PTK7: variants seen among roughly 807,000 people sequenced by gnomAD.
PTK7 encodes the protein inactive tyrosine-protein kinase 7.
A neutral mutation model predicts 116.6 loss-of-function variants in PTK7; 39 were observed. The ratio of observed to expected loss-of-function variants is 0.33; its 90% CI spans 0.26 to 0.44. The LOEUF (loss-of-function observed/expected upper bound fraction) is 0.44. Ranked by LOEUF, PTK7 falls within the 20% of genes least tolerant of loss-of-function variation. The pLI is 1.00. For synonymous variants in PTK7, 546 were observed against 563.6 expected (o/e 0.97, Z 0.44); for missense variants, 1,169 against 1,425.6 (o/e 0.82, Z 2.90).
Position 43,129,701 on chromosome 6 carries a change from C to G in PTK7, c.368-26C>G. ...CCCGCCTTTGCCCTGCTCTGCCCCT[C>G]ACTGCAACCGTGGCCTCTGCTACAG... is the stretch of plus-strand genomic sequence containing the variant. On this transcript the variant is annotated intron_variant, in intron 2 of 19. Coordinates refer to ENST00000230419, the MANE Select transcript of PTK7 (RefSeq NM_002821.5). The surrounding 1 kb of genome is among the most constrained non-coding windows in gnomAD (Gnocchi z 4.5). The G allele has an allele frequency of 1.9e-6, 3 of 1,605,944 alleles. No homozygotes were observed. Among genetic ancestry groups the G allele is most frequent in the Middle Eastern group, 3.3e-4 (2 of 6,040 alleles).
chr6:43,148,267 G>C (rs976066839), intron 17 of PTK7, among the ~76,000 whole-genome samples: 7 of 151,830 alleles, frequency 4.6e-5, no homozygotes, highest in Admixed American at 6.6e-5. Flanking sequence ...GGAGGGGAGG[G>C]GGGGAAAGGA....
intron 7 of PTK7, chr6:43,133,313 G>A (rs1051059123): frequency 1.6e-4 from 25 of 152,856 alleles, no homozygotes; most frequent in Non-Finnish European, 3.2e-4. Context: ...GGTGGCTCAT[G>A]CCTGTAATCC....
In PTK7 at chr6:43,146,277, G is replaced by T. The variant is rs1256451856; in HGVS notation, c.2641-341G>T. 1.5e-5 allele frequency: 3 copies of T among 197,580 alleles called. No individual in the cohort carries two copies. The East Asian group carries it at 3.5e-4, about 23-fold the overall frequency. 12.2% of individuals were successfully genotyped at this position (197,580 alleles called of 1,614,324 possible). A position where few individuals can be genotyped will look rare whatever the true frequency, so the allele number is the denominator to read the frequency against. On this transcript the variant is annotated intron_variant, in intron 16 of 19. Coordinates refer to ENST00000230419, the MANE Select transcript of PTK7 (RefSeq NM_002821.5). Reference sequence around the variant, plus strand: ...GATTGTAAAGCTCTGGAGGACAGGGGTTTCCTCTCAGGAATCTTTGAGGGC... The same window carrying T: ...GATTGTAAAGCTCTGGAGGACAGGGTTTTCCTCTCAGGAATCTTTGAGGGC...
intron 6 of PTK7, 65 bp downstream of exon 6, chr6:43,132,229 T>C (rs1769730701): frequency 6.5e-7 from 1 of 1,539,748 alleles, no homozygotes; most frequent in Non-Finnish European, 8.8e-7. Flanking sequence ...CACATAGAGA[T>C]TTAGGCTTCT....
intron 1 of PTK7, among the ~76,000 whole-genome samples, chr6:43,107,694 G>T (rs1429693495): frequency 6.6e-6 from 1 of 152,200 alleles, no homozygotes. Flanking sequence ...GTTGAATTAA[G>T]AATGATAATT....
chr6:43,149,400 A>G lies in PTK7; in HGVS notation c.2721+2702A>G, dbSNP rs556548109. Among the ~76,000 whole-genome samples the G allele has an allele frequency of 1.8e-4, 27 of 152,294 alleles. 1 individual carries two copies. Among genetic ancestry groups the G allele is most frequent in the African/African-American group, 6.5e-4 (27 of 41,556 alleles). On this transcript the variant is annotated intron_variant, in intron 17 of 19. Transcript: ENST00000230419. ...AAGAAAAAAAAAAGATTTCTGGACC[A>G]TGACTCAGAATGAGGGAATTAGAGT... is the stretch of plus-strand genomic sequence containing the variant.
intron 1 of PTK7, among the ~76,000 whole-genome samples, chr6:43,121,589 C>T (rs528443872): frequency 1.2e-3 from 185 of 152,268 alleles, no homozygotes; most frequent in African/African-American, 4.2e-3. Flanking sequence ...CTCACTGGGT[C>T]TTGGAGTCAG....
rs2150484921 is a variant in PTK7 at position 43,158,965 on chromosome 6, A to G, written c.2870A>G (p.Asn957Ser). Residue 957 changes from asparagine (N) to serine (S), a missense_variant, in exon 18 of 20, where the codon AAC becomes AGC. Asn to Ser is a conservative substitution (Grantham distance 46). Coordinates refer to ENST00000230419, the MANE Select transcript of PTK7 (RefSeq NM_002821.5). ...CTGGGCCTCAGCAAGGATGTGTACA[A>G]CAGGTAGAAGGGCATGCGTGGGGTG... ...SALGLSKDVY[N>S]SEYYHFRQAW... 6.2e-7 allele frequency: 1 copy of G among 1,614,062 alleles called. No homozygotes were observed. Among genetic ancestry groups the G allele is most frequent in the Non-Finnish European group, 8.5e-7 (1 of 1,179,976 alleles).
At position 43,159,735 on chromosome 6, in the gene PTK7, C is replaced by T. The variant is rs764020576; in HGVS notation, c.2874-53C>T. 4.4e-5 allele frequency: 70 copies of T among 1,576,892 alleles called. No homozygotes were observed. The East Asian group carries it at 1.1e-3, about 25-fold the overall frequency. ...TCCAGATGGGGAGATGAGGGTGCAG[C>T]GCCAGGCCACGCTCCCACCCCACCT... On this transcript the variant is annotated intron_variant, in intron 18 of 19. Transcript: ENST00000230419.
At chr6:43,154,920 C>A (rs3805930) in intron 17 of PTK7, among the ~76,000 whole-genome samples, 1 of 152,218 alleles carries the variant, frequency 6.6e-6, no homozygotes, top group African/African-American at 2.4e-5. Context: ...GAAGAGCCAG[C>A]CTTTGGCACT....
chr6:43,132,262 G>A lies in PTK7; in HGVS notation c.961+98G>A, dbSNP rs1314408706. 4.6e-6 allele frequency: 7 copies of A among 1,512,338 alleles called. No homozygotes were observed. In the Admixed American group the frequency reaches 1.3e-4, roughly 27 times the overall value. The allele number at this position is 1,512,338 out of a possible 1,614,324, so 93.7% of individuals were successfully genotyped here. A position where few individuals can be genotyped will look rare whatever the true frequency, so the allele number is the denominator to read the frequency against. The stretch of plus-strand genomic sequence containing the variant: ...TCTGTTTTTACTCAGCCGCTTGGAG[G>A]GCAGGGGAAGAAAAGGATGCTGGGA... On this transcript the variant is annotated intron_variant, in intron 6 of 19. Transcript: ENST00000230419.
At chr6:43,138,357 T>C (rs1353943004) in intron 7 of PTK7, among the ~76,000 whole-genome samples, 1 of 152,172 alleles carries the variant, frequency 6.6e-6, no homozygotes, top group African/African-American at 2.4e-5. Flanking sequence ...AGTTAATTAA[T>C]GTGACAGTTA....
At chr6:43,105,957 G>A (rs1393494999) in intron 1 of PTK7, among the ~76,000 whole-genome samples, 2 of 152,184 alleles carry the variant, frequency 1.3e-5, no homozygotes, top group East Asian at 3.8e-4. Context: ...GATAGAGCAG[G>A]TATGGCATTA....
rs757117722 is a variant in PTK7, at chr6:43,129,878, T to A, written c.470+49T>A. The A allele has an allele frequency of 6.4e-7, 1 of 1,558,762 alleles. No homozygotes were observed. Among genetic ancestry groups the A allele is most frequent in the East Asian group, 2.2e-5 (1 of 44,512 alleles). On this transcript the variant is annotated intron_variant, in intron 3 of 19. Transcript: ENST00000230419. The surrounding 1 kb of genome is among the most constrained non-coding windows in gnomAD (Gnocchi z 4.5). ...TGAAGAGGGTTATTCCGGACAGGGA[T>A]GTCTCCCCAAATCTTGGACTCTATG...
chr6:43,111,979 G>C (rs571828533), intron 1 of PTK7, among the ~76,000 whole-genome samples: 1 of 152,088 alleles, frequency 6.6e-6, no homozygotes, highest in East Asian at 1.9e-4. Context: ...ACTGCACCTG[G>C]CCTATTAGCA....
At chr6:43,126,785 A>C (rs74597937) in intron 1 of PTK7, among the ~76,000 whole-genome samples, 2 of 152,190 alleles carry the variant, frequency 1.3e-5, no homozygotes, top group Non-Finnish European at 2.9e-5. Flanking sequence ...ATCATTTGGA[A>C]ATGTGTAGGG....
At chr6:43,077,141 A>T (rs2150363274) in intron 1 of PTK7, among the ~76,000 whole-genome samples, 1 of 152,284 alleles carries the variant, frequency 6.6e-6, no homozygotes, top group South Asian at 2.1e-4. Context: ...GTGAGGGCGG[A>T]AGAAGGGAAG....
intron 1 of PTK7, among the ~76,000 whole-genome samples, chr6:43,111,287 C>T (rs1263681334): frequency 1.3e-5 from 2 of 152,166 alleles, no homozygotes; most frequent in African/African-American, 4.8e-5. Flanking sequence ...TGGAGTCCCA[C>T]GTACCTGTAT....
In PTK7 at chr6:43,129,369, G is replaced by T. The variant is rs1769515952; in HGVS notation, c.367+105G>T. 1 of 1,382,146 alleles carries T rather than the reference G, an allele frequency of 7.2e-7. No individual in the cohort carries two copies. Among genetic ancestry groups the T allele is most frequent in the African/African-American group, 1.4e-5 (1 of 69,036 alleles). 85.6% of individuals were successfully genotyped at this position (1,382,146 alleles called of 1,614,324 possible). On this transcript the variant is annotated intron_variant, in intron 2 of 19. Coordinates refer to ENST00000230419, the MANE Select transcript of PTK7 (RefSeq NM_002821.5). This position sits in a 1 kb window ranked among gnomAD's most constrained non-coding sequence, Gnocchi z 4.5. ...AGCTTCTCCCATTTCCAGTTAAACG[G>T]GCCAGGCAGAATGCATTTATCATCA...
Sources: allele counts gnomAD v4.1 joint callset (sites outside exome capture counted in the v4.1 genomes callset), GRCh38; gene constraint gnomAD v4.1.1; non-coding constraint Gnocchi (gnomAD v3.1); transcripts MANE v1.5; gene names NCBI Gene and HGNC (gene_info 2026-07-23, HGNC 2026-07-21).